Variants in SPTLC3 observed in about 807,000 individuals in gnomAD.
SPTLC3 encodes serine palmitoyltransferase long chain base subunit 3.
A neutral mutation model predicts 59.3 loss-of-function variants in SPTLC3; 36 were observed. That is an observed-to-expected ratio of 0.61 (90% confidence interval 0.47 to 0.80). The LOEUF is 0.80. Among genes scored for constraint, SPTLC3 ranks in the 30% least tolerant of loss-of-function variants. The probability of loss-of-function intolerance (pLI) is 0.00; values close to 1 mark genes in which losing one functional copy is unlikely to be tolerated. For synonymous variants in SPTLC3, 257 were observed against 240.8 expected (o/e 1.07, Z -0.62); for missense variants, 625 against 685.1 (o/e 0.91, Z 0.98).
intron 6 of SPTLC3, among the ~76,000 whole-genome samples, chr20:13,104,024 C>G (rs1022338471): frequency 1.3e-5 from 2 of 152,136 alleles, no homozygotes; most frequent in South Asian, 2.1e-4. Flanking sequence ...AATGTAAGAA[C>G]AGGCACAGGC....
In SPTLC3 at chr20:13,089,662, T is replaced by C. The variant is rs369565408; in HGVS notation, c.608-1421T>C. ...TTAGCTGGGCATGGGGGCATGCACC[T>C]GCAGTCCCAGCTACTTGGGAGGCTG... On this transcript the variant is annotated intron_variant, in intron 4 of 11. Transcript: ENST00000399002. Among the ~76,000 whole-genome samples the C allele has an allele frequency of 3.2e-4, 48 of 152,116 alleles. No individual in the cohort carries two copies. The East Asian group carries it at 4.9e-3, about 15-fold the overall frequency.
intron 4 of SPTLC3, among the ~76,000 whole-genome samples, chr20:13,088,308 TG>T (rs879747677): frequency 1.3e-5 from 2 of 152,168 alleles, no homozygotes; most frequent in Non-Finnish European, 2.9e-5. Context: ...ACTTGTTTTT[TG>T]TTGTTGTTGT....
intron 1 of SPTLC3, among the ~76,000 whole-genome samples, chr20:13,018,393 CTGTTT>C (rs2122376672): frequency 6.6e-6 from 1 of 152,258 alleles, no homozygotes; most frequent in South Asian, 2.1e-4. Context: ...TTATAAATTT[CTGTTT>C]TGTTTGGCAT....
chr20:13,119,201 A>C (rs1036677940), intron 8 of SPTLC3, among the ~76,000 whole-genome samples: 2 of 152,242 alleles, frequency 1.3e-5, no homozygotes, highest in African/African-American at 2.4e-5. Context: ...CTGAACTACA[A>C]AATTTTTAAC....
chr20:13,015,096 G>T (rs1985459636), intron 1 of SPTLC3, among the ~76,000 whole-genome samples: 1 of 152,120 alleles, frequency 6.6e-6, no homozygotes, highest in South Asian at 2.1e-4. Flanking sequence ...TTAGAGCATG[G>T]TTTATGAATT....
chr20:13,062,363 G>C (rs1446893264), intron 2 of SPTLC3, among the ~76,000 whole-genome samples: 1 of 152,136 alleles, frequency 6.6e-6, no homozygotes, highest in African/African-American at 2.4e-5. Flanking sequence ...TGCTAAATAA[G>C]ATAACTGGTA....
At chr20:13,068,648 C>T (rs1209216301) in intron 2 of SPTLC3, among the ~76,000 whole-genome samples, 1 of 151,766 alleles carries the variant, frequency 6.6e-6, no homozygotes, top group East Asian at 2.0e-4. Flanking sequence ...AGTAGGTCTC[C>T]AAACTCAATT....
rs1985672907 is a variant in SPTLC3, at chr20:13,018,524, T to A, written c.117+9140T>A. Among the ~76,000 whole-genome samples the A allele has an allele frequency of 3.9e-5, 6 of 152,330 alleles. No homozygotes were observed. In the South Asian group the frequency reaches 1.2e-3, roughly 32 times the overall value. On this transcript the variant is annotated intron_variant, in intron 1 of 11. Transcript: ENST00000399002. Reference sequence around the variant, plus strand: ...CATTTGAAAATTGCCAAATCTGAAGTGTAATTATTAACCCTTAGGAGGTCT... The same window carrying A: ...CATTTGAAAATTGCCAAATCTGAAGAGTAATTATTAACCCTTAGGAGGTCT...
chr20:13,129,890 T>C (rs996656431), intron 9 of SPTLC3, among the ~76,000 whole-genome samples: 10 of 152,206 alleles, frequency 6.6e-5, no homozygotes, highest in Non-Finnish European at 1.5e-4. Context: ...GTTACTTTTT[T>C]AACCTCAGTT....
At chr20:13,027,641 GCACA>G (rs57913044) in intron 1 of SPTLC3, among the ~76,000 whole-genome samples, 49,542 of 143,760 alleles carry the variant, frequency 0.34, 8,818 homozygotes, top group Middle Eastern at 0.41. Context: ...ATTTCAGCAC[GCACA>G]CACACACACA....
chr20:13,029,817 A>G (rs1009471843), intron 1 of SPTLC3, among the ~76,000 whole-genome samples: 1 of 152,180 alleles, frequency 6.6e-6, no homozygotes, highest in African/African-American at 2.4e-5. Context: ...ATATGGGGTA[A>G]TAGGCTATGT....
chr20:13,095,669 A>G (rs963271236), intron 6 of SPTLC3, among the ~76,000 whole-genome samples: 17 of 152,156 alleles, frequency 1.1e-4, no homozygotes, highest in African/African-American at 4.1e-4. Context: ...TGAGTTCCCC[A>G]GATGATTATA....
At chr20:13,124,921 C>T (rs1050399514) in intron 8 of SPTLC3, among the ~76,000 whole-genome samples, 3 of 152,172 alleles carry the variant, frequency 2.0e-5, no homozygotes, top group Non-Finnish European at 4.4e-5. Flanking sequence ...TTCCAAATCA[C>T]CTTCATGAGG....
chr20:13,158,358 C>T (rs76881551), intron 10 of SPTLC3, among the ~76,000 whole-genome samples: 4,598 of 152,156 alleles, frequency 0.03, 209 homozygotes, highest in African/African-American at 0.1. Flanking sequence ...CAAAAATGCT[C>T]CAGGGAGACG....
intron 6 of SPTLC3, among the ~76,000 whole-genome samples, chr20:13,099,893 A>C (rs967160164): frequency 8.5e-5 from 13 of 152,202 alleles, no homozygotes; most frequent in Non-Finnish European, 1.6e-4. Flanking sequence ...TCCAGATAGA[A>C]GCTAATAACT....
At chr20:13,118,468 A>AAAC (rs1166087359) in intron 8 of SPTLC3, among the ~76,000 whole-genome samples, 2 of 151,798 alleles carry the variant, frequency 1.3e-5, no homozygotes, top group Non-Finnish European at 2.9e-5. Context: ...AACAAAAAAA[A>AAAC]ACAATAAATA....
At chr20:13,089,959 G>A (rs1989158045) in intron 4 of SPTLC3, among the ~76,000 whole-genome samples, 2 of 152,050 alleles carry the variant, frequency 1.3e-5, no homozygotes, top group South Asian at 4.2e-4. Context: ...TTTGCAGTTG[G>A]TGAAATGCAG....
At chr20:13,058,965 T>C (rs2122529198) in intron 2 of SPTLC3, among the ~76,000 whole-genome samples, 1 of 152,176 alleles carries the variant, frequency 6.6e-6, no homozygotes, top group African/African-American at 2.4e-5. Flanking sequence ...GAACCAACCG[T>C]CAACACAAAT....
chr20:13,143,214 C>T (rs192698709), intron 9 of SPTLC3, among the ~76,000 whole-genome samples: 3 of 152,204 alleles, frequency 2.0e-5, no homozygotes, highest in Non-Finnish European at 2.9e-5. Flanking sequence ...CTGTAGGTGC[C>T]GCAGGTCAGT....
Sources: allele counts gnomAD v4.1 joint callset (sites outside exome capture counted in the v4.1 genomes callset), GRCh38; gene constraint gnomAD v4.1.1; transcripts MANE v1.5; gene names NCBI Gene and HGNC (gene_info 2026-07-23, HGNC 2026-07-21).